The following CRTAP variants were observed in gnomAD, a reference collection of about 807,000 sequenced individuals.
CRTAP encodes the protein cartilage-associated protein.
CRTAP carries 33 observed loss-of-function variants against 42.7 expected under a neutral mutation model. The observed-to-expected ratio is 0.77, with a 90% CI of 0.59 to 1.03. The LOEUF (loss-of-function observed/expected upper bound fraction) is 1.03, where lower values mean the gene tolerates loss of function less well. Ranked by LOEUF, CRTAP falls within the 50% of genes least tolerant of loss-of-function variation. CRTAP has a pLI of 0.00. For missense variants in CRTAP, 613 were observed against 533.9 expected, an observed-to-expected ratio of 1.15 and a Z score of -1.46; for synonymous variants, 243 against 217.7, an observed-to-expected ratio of 1.12 and a Z score of -1.02.
Position 33,121,562 on chromosome 3 carries a change from TG to T in CRTAP, c.621+1074del, listed in dbSNP as rs536566016. Reference sequence around the variant, plus strand: ...AAATGTATGTGTGGAAGTCTCTTTTTGGGGGTATCTGTCAGTTTTCCAGGGA... The same window carrying T: ...AAATGTATGTGTGGAAGTCTCTTTTTGGGGTATCTGTCAGTTTTCCAGGGA... On this transcript the variant is annotated intron_variant, in intron 2 of 6. Transcript: ENST00000320954. Among the ~76,000 whole-genome samples, 74 of 152,256 alleles carry T rather than the reference TG, an allele frequency of 4.9e-4. 1 individual carries two copies. Among genetic ancestry groups the T allele is most frequent in the Middle Eastern group, 6.8e-3 (2 of 294 alleles).
rs986255307 is a variant in CRTAP at position 33,143,621 on chromosome 3, A to T, written c.*1173A>T. 3 of 152,346 alleles carry T rather than the reference A, an allele frequency of 2.0e-5. No individual in the cohort carries two copies. The East Asian group carries it at 5.8e-4, about 29-fold the overall frequency. The allele number at this position is 152,346 out of a possible 1,614,324, so 9.4% of individuals were successfully genotyped here. On this transcript the variant is annotated 3_prime_UTR_variant, in exon 7 of 7. Coordinates refer to ENST00000320954, the MANE Select transcript of CRTAP (RefSeq NM_006371.5). ...CTACAGGGAGAAAGAGATAGCCAAT[A>T]CATAGGAATAAATATATACAAGGTA...
At chr3:33,132,727 T>A (rs201566559) in intron 5 of CRTAP, 27 bp downstream of exon 5, 2 of 1,612,364 alleles carry the variant, frequency 1.2e-6, no homozygotes, top group East Asian at 4.5e-5. Context: ...ACACCTTCCC[T>A]TTTCTCTTCA....
intron 1 of CRTAP, among the ~76,000 whole-genome samples, chr3:33,119,458 A>G (rs747641576): frequency 1.1e-3 from 171 of 152,282 alleles, no homozygotes; most frequent in Non-Finnish European, 2.3e-3. Context: ...ACTAGGAGAC[A>G]GGGAGAACTT....
At position 33,134,242 on chromosome 3, in the gene CRTAP, G is replaced by A. The variant is rs546298253; in HGVS notation, c.1129G>A (p.Glu377Lys). ...GAAGGAGCTGTATGACTTTGCTAAGGAAAATATAATGGATGATGATGAGGT... is the reference window on the plus strand; with the variant it reads ...GAAGGAGCTGTATGACTTTGCTAAGAAAAATATAATGGATGATGATGAGGT... The part of the protein sequence containing the change: ...LQKELYDFAK[E>K]NIMDDDEGEV... The change falls in exon 6 of 7, where the codon GAA becomes AAA. Residue 377 changes from glutamate to lysine, a missense_variant. Physicochemically the swap from Glu to Lys is moderately conservative, Grantham distance 56. Coordinates refer to ENST00000320954, the MANE Select transcript of CRTAP (RefSeq NM_006371.5). 5.6e-5 allele frequency: 91 copies of A among 1,610,788 alleles called. No individual in the cohort carries two copies. The highest frequency in any genetic ancestry group is 8.3e-5 in the Admixed American group (5 of 60,030).
chr3:33,138,291 G>T (rs893896530), intron 6 of CRTAP, among the ~76,000 whole-genome samples: 2 of 152,014 alleles, frequency 1.3e-5, no homozygotes, highest in African/African-American at 2.4e-5. Flanking sequence ...AAGGCAGCTG[G>T]GATTTTTTTA....
chr3:33,127,479 C>G (rs968976406), intron 3 of CRTAP, among the ~76,000 whole-genome samples: 6 of 151,796 alleles, frequency 4.0e-5, no homozygotes, highest in African/African-American at 1.5e-4. Context: ...TGGAGTTTCC[C>G]TCTTGTTGCC....
chr3:33,134,702 G>C (rs1255411355), intron 6 of CRTAP, among the ~76,000 whole-genome samples: 2 of 152,130 alleles, frequency 1.3e-5, no homozygotes, highest in African/African-American at 4.8e-5. Flanking sequence ...TGAAATTCCT[G>C]ATTCCACCTT....
chr3:33,132,914 C>T (rs1575518840), intron 5 of CRTAP, among the ~76,000 whole-genome samples: 1 of 152,216 alleles, frequency 6.6e-6, no homozygotes, highest in Admixed American at 6.5e-5. Context: ...CCCATCTCTA[C>T]TAAACATACA....
At chr3:33,136,088 A>T (rs1459907248) in intron 6 of CRTAP, among the ~76,000 whole-genome samples, 1 of 152,098 alleles carries the variant, frequency 6.6e-6, no homozygotes, top group Non-Finnish European at 1.5e-5. Flanking sequence ...GGAAGACTCT[A>T]ATCTACTTTC....
intron 1 of CRTAP, 149 bp downstream of exon 1, chr3:33,114,697 A>G: frequency 1.4e-6 from 1 of 690,468 alleles, no homozygotes; most frequent in Non-Finnish European, 2.4e-6. Flanking sequence ...GTCTCCTCCA[A>G]GTCCTGTCTC....
At chr3:33,126,274 C>T (rs191562382) in intron 3 of CRTAP, among the ~76,000 whole-genome samples, 1 of 152,318 alleles carries the variant, frequency 6.6e-6, no homozygotes, top group African/African-American at 2.4e-5. Context: ...CTCGTTTCAT[C>T]CATATTGTGG....
At chr3:33,136,694 T>C (rs1391405025) in intron 6 of CRTAP, among the ~76,000 whole-genome samples, 4 of 152,120 alleles carry the variant, frequency 2.6e-5, no homozygotes, top group African/African-American at 9.7e-5. Context: ...GGAGCTGGCG[T>C]ATGTCACATG....
At chr3:33,137,162 C>T (rs1341962957) in intron 6 of CRTAP, among the ~76,000 whole-genome samples, 1 of 151,954 alleles carries the variant, frequency 6.6e-6, no homozygotes, top group East Asian at 1.9e-4. Flanking sequence ...CTTTTTGAGA[C>T]AGAGTTTTGC....
intron 5 of CRTAP, 99 bp downstream of exon 5, chr3:33,132,799 G>C: frequency 7.0e-7 from 1 of 1,433,640 alleles, no homozygotes; most frequent in Non-Finnish European, 9.7e-7. Context: ...AAATAAAGGG[G>C]CTGGGCGCGG....
In CRTAP at chr3:33,114,180, A is replaced by C; in HGVS notation, c.103A>C (p.Ser35Arg). The C allele has an allele frequency of 6.3e-7, 1 of 1,592,230 alleles. No homozygotes were observed. The highest frequency in any genetic ancestry group is 8.5e-7 in the Non-Finnish European group (1 of 1,176,132). ...RAQYERYSFR[S>R]FPRDELMPLE... ...CCAATACGAACGCTACAGCTTCCGC[A>C]GCTTCCCACGGGACGAGCTGATGCC... Residue 35 changes from serine (S) to arginine (R), a missense_variant, in exon 1 of 7, where the codon AGC (serine) becomes CGC (arginine). Coordinates refer to ENST00000320954, the MANE Select transcript of CRTAP (RefSeq NM_006371.5).
At chr3:33,129,324 G>A (rs1226003469) in intron 3 of CRTAP, among the ~76,000 whole-genome samples, 1 of 152,020 alleles carries the variant, frequency 6.6e-6, no homozygotes. Context: ...TTTGCAATTT[G>A]GTAGTTTAAA....
chr3:33,137,221 A>G (rs1575519910), intron 6 of CRTAP, among the ~76,000 whole-genome samples: 1 of 151,870 alleles, frequency 6.6e-6, no homozygotes, highest in South Asian at 2.1e-4. Context: ...GCTCACTGCA[A>G]CCTCCGCCTC....
intron 1 of CRTAP, among the ~76,000 whole-genome samples, chr3:33,116,360 A>G (rs35724271): frequency 0.11 from 16,436 of 151,998 alleles, 991 homozygotes; most frequent in Non-Finnish European, 0.13. Context: ...CTATCTGTCT[A>G]TCTATCTGTT....
In CRTAP at chr3:33,132,664, T is replaced by C. The variant is rs1135127; in HGVS notation, c.1032T>C (p.Thr344=). The C allele has an allele frequency of 1.2e-6, 2 of 1,613,926 alleles. No individual in the cohort carries two copies. Among genetic ancestry groups the C allele is most frequent in the African/African-American group, 2.7e-5 (2 of 74,998 alleles). The change falls in exon 5 of 7, where the codon ACT becomes ACC. Residue 344 remains threonine, a synonymous_variant. Transcript: ENST00000320954. ...TGTATTACCAGTACCACAGGGACAC[T>C]TGGGGCCTCTCGGATGAGCACTTCC... is the stretch of plus-strand genomic sequence containing the variant. ...NLVYYQYHRD[T]WGLSDEHFQP...
Sources: allele counts gnomAD v4.1 joint callset (sites outside exome capture counted in the v4.1 genomes callset), GRCh38; gene constraint gnomAD v4.1.1; transcripts MANE v1.5; gene names NCBI Gene and HGNC (gene_info 2026-07-23, HGNC 2026-07-21).